SLC43A2: variants seen among roughly 807,000 people sequenced by gnomAD.
The protein encoded by SLC43A2 is large neutral amino acids transporter small subunit 4.
A neutral mutation model predicts 63.2 loss-of-function variants in SLC43A2; 38 were observed. The observed-to-expected ratio is 0.60, with a 90% CI of 0.46 to 0.79. The LOEUF (loss-of-function observed/expected upper bound fraction) is 0.79, where lower values mean the gene tolerates loss of function less well. Among genes scored for constraint, SLC43A2 ranks in the 30% least tolerant of loss-of-function variants. The pLI is 0.00. For synonymous variants in SLC43A2, 322 were observed against 331.0 expected, an observed-to-expected ratio of 0.97 and a Z score of 0.30; for missense variants, 644 against 756.2, an observed-to-expected ratio of 0.85 and a Z score of 1.74.
chr17:1,608,428 C>T (rs957701728), intron 5 of SLC43A2, among the ~76,000 whole-genome samples: 3 of 151,966 alleles, frequency 2.0e-5, no homozygotes, highest in Non-Finnish European at 4.4e-5. Flanking sequence ...GAGTCTCACT[C>T]TGCCACCCAG....
In SLC43A2 at chr17:1,570,051, C is replaced by T. The variant is rs1415809062; in HGVS notation, c.*5553G>A. On this transcript the variant is annotated 3_prime_UTR_variant, in exon 14 of 14. Transcript: ENST00000301335. ...TACAGGTACCCACCACCACGCCCAGCTAATTTTTTTTTTTCGTATTTTTAG... is the reference window on the plus strand; with the variant it reads ...TACAGGTACCCACCACCACGCCCAGTTAATTTTTTTTTTTCGTATTTTTAG... The T allele has an allele frequency of 8.2e-6, 1 of 121,414 alleles. No homozygotes were observed. The highest frequency in any genetic ancestry group is 1.8e-5 in the Non-Finnish European group (1 of 54,836). 7.5% of individuals were successfully genotyped at this position (121,414 alleles called of 1,614,324 possible).
At chr17:1,599,224 C>T (rs772254873) in intron 5 of SLC43A2, among the ~76,000 whole-genome samples, 22 of 151,998 alleles carry the variant, frequency 1.4e-4, no homozygotes, top group Middle Eastern at 3.4e-3. Context: ...CCTGTAGTCC[C>T]AGGTACTTGG....
In SLC43A2 at chr17:1,591,551, G is replaced by A; in HGVS notation, c.728+15C>T. On this transcript the variant is annotated intron_variant, in intron 7 of 13. Coordinates refer to ENST00000301335, the MANE Select transcript of SLC43A2 (RefSeq NM_152346.3). Reference sequence around the variant, plus strand: ...GGGGGCTGGGGGCAGGCGGGACGGGGGCACCTCTACTTACGAGTAGTCCAT... The same window carrying A: ...GGGGGCTGGGGGCAGGCGGGACGGGAGCACCTCTACTTACGAGTAGTCCAT... 1 of 1,559,818 alleles carries A rather than the reference G, an allele frequency of 6.4e-7. No homozygotes were observed. The highest frequency in any genetic ancestry group is 8.7e-7 in the Non-Finnish European group (1 of 1,153,272).
intron 2 of SLC43A2, among the ~76,000 whole-genome samples, chr17:1,618,396 G>A (rs1405749000): frequency 6.6e-6 from 1 of 152,188 alleles, no homozygotes; most frequent in Non-Finnish European, 1.5e-5. Flanking sequence ...AGCTCACCCA[G>A]GCATAGAAAG....
In SLC43A2 at chr17:1,573,610, A is replaced by T. The variant is rs1413776833; in HGVS notation, c.*1994T>A. On this transcript the variant is annotated 3_prime_UTR_variant, in exon 14 of 14. Coordinates refer to ENST00000301335, the MANE Select transcript of SLC43A2 (RefSeq NM_152346.3). ...AGTGTTCTCAGGAGTGGGCATGTTT[A>T]TCTCGTTCTCTTTTTTTTTTTCTTT... The T allele has an allele frequency of 6.6e-6, 1 of 152,088 alleles. No individual in the cohort carries two copies. The highest frequency in any genetic ancestry group is 1.5e-5 in the Non-Finnish European group (1 of 68,038). The allele number at this position is 152,088 out of a possible 1,614,324, so 9.4% of individuals were successfully genotyped here. A position where few individuals can be genotyped will look rare whatever the true frequency, so the allele number is the denominator to read the frequency against.
intron 9 of SLC43A2, among the ~76,000 whole-genome samples, chr17:1,588,697 CAAAAAAAAAAAAA>C (rs35780448): frequency 1.1e-5 from 1 of 89,178 alleles, no homozygotes; most frequent in Admixed American, 1.2e-4. Flanking sequence ...GACCCCAACT[CAAAAAAAAAAAAA>C]AAAAAAAAAA....
intron 5 of SLC43A2, among the ~76,000 whole-genome samples, chr17:1,596,827 A>G (rs1360071663): frequency 2.6e-5 from 4 of 152,218 alleles, no homozygotes; most frequent in Non-Finnish European, 5.9e-5. Context: ...CAAATGGCCA[A>G]TAAGCATATG....
chr17:1,619,641 A>G (rs1218314843), intron 2 of SLC43A2, among the ~76,000 whole-genome samples: 1 of 152,244 alleles, frequency 6.6e-6, no homozygotes, highest in Non-Finnish European at 1.5e-5. Context: ...ACAGTGGGGC[A>G]GCTTCTGGAA....
intron 10 of SLC43A2, among the ~76,000 whole-genome samples, chr17:1,584,338 C>T (rs1018409967): frequency 6.6e-6 from 1 of 152,140 alleles, no homozygotes; most frequent in African/African-American, 2.4e-5. Context: ...CCTAACTGTG[C>T]GGCCCTAGGC....
chr17:1,615,511 C>T (rs888884343), intron 3 of SLC43A2, among the ~76,000 whole-genome samples: 2 of 142,152 alleles, frequency 1.4e-5, no homozygotes, highest in Non-Finnish European at 3.0e-5. Context: ...TGGGCAACAA[C>T]AGCAAAACTC....
chr17:1,628,114 C>A (rs1288699232), intron 1 of SLC43A2, 194 bp from the exon 2 acceptor site: 13 of 404,356 alleles, frequency 3.2e-5, no homozygotes, highest in Non-Finnish European at 2.8e-5. Context: ...CGGCTCGTAC[C>A]GCTGCCCTCC....
chr17:1,620,612 T>A (rs901730787), intron 2 of SLC43A2, among the ~76,000 whole-genome samples: 47 of 152,064 alleles, frequency 3.1e-4, no homozygotes, highest in African/African-American at 1.1e-3. Flanking sequence ...CTCCAGGCCG[T>A]CCCGTCCAGC....
At position 1,591,613 on chromosome 17, in the gene SLC43A2, A is replaced by G. The variant is rs772221067; in HGVS notation, c.681T>C (p.Phe227=). The G allele has an allele frequency of 2.7e-4, 413 of 1,549,600 alleles. No homozygotes were observed. Among genetic ancestry groups the G allele is most frequent in the Non-Finnish European group, 3.5e-4 (399 of 1,146,762 alleles). Residue 227 remains phenylalanine (F), a synonymous_variant, in exon 7 of 14, where the codon TTT becomes TTC. Transcript: ENST00000301335. Reference sequence around the variant, plus strand: ...CCGGGAAGGGCTCAAGGGGCCAGTTAAAGAAGCAGTTGAGGAAAACCAGCC... The same window carrying G: ...CCGGGAAGGGCTCAAGGGGCCAGTTGAAGAAGCAGTTGAGGAAAACCAGCC... ...CSGLVFLNCF[F]NWPLEPFPGP...
rs377513027 is a variant in SLC43A2 at position 1,626,155 on chromosome 17, C to T, written c.160+1560G>A. On this transcript the variant is annotated intron_variant, in intron 2 of 13. Transcript: ENST00000301335. ...AGACACTAAAAGCTTTCTCTGGGGA[C>T]GATGACTTTTTTTCTGCTTTTTTTT... is the stretch of plus-strand genomic sequence containing the variant. Among the ~76,000 whole-genome samples, 15 of 146,388 alleles carry T rather than the reference C, an allele frequency of 1.0e-4. No individual in the cohort carries two copies. The East Asian group carries it at 1.4e-3, about 13-fold the overall frequency.
chr17:1,600,152 A>ATATATATATATATATATATATTTTTTT (rs1216616243), intron 5 of SLC43A2, among the ~76,000 whole-genome samples: 3 of 60,278 alleles, frequency 5.0e-5, no homozygotes, highest in Non-Finnish European at 6.4e-5. Context: ...ATATATATAT[A>ATATATATATATATATATATATTTTTTT]TTTTTTTTTT....
chr17:1,610,211 C>T (rs1420987264), intron 5 of SLC43A2, among the ~76,000 whole-genome samples: 1 of 151,906 alleles, frequency 6.6e-6, no homozygotes, highest in Admixed American at 6.6e-5. Flanking sequence ...AGCCACTGCG[C>T]CTGGCAGGCT....
intron 2 of SLC43A2, among the ~76,000 whole-genome samples, chr17:1,621,921 G>A (rs1354289792): frequency 2.0e-5 from 3 of 152,192 alleles, no homozygotes; most frequent in East Asian, 1.9e-4. Flanking sequence ...CCCATGTGCC[G>A]GCAACACCAG....
At chr17:1,594,408 C>T (rs1905087557) in intron 5 of SLC43A2, among the ~76,000 whole-genome samples, 1 of 152,170 alleles carries the variant, frequency 6.6e-6, no homozygotes, top group African/African-American at 2.4e-5. Flanking sequence ...CAAGAGACAT[C>T]ACACTGTGTG....
At chr17:1,594,824 G>A (rs62088018) in intron 5 of SLC43A2, among the ~76,000 whole-genome samples, 36 of 151,656 alleles carry the variant, frequency 2.4e-4, no homozygotes, top group African/African-American at 5.8e-4. Flanking sequence ...TCCTGACCTC[G>A]TGATCCGCCC....
Sources: gnomAD v4.1 joint callset for allele counts (sites outside exome capture counted in the v4.1 genomes callset) on GRCh38, gnomAD v4.1.1 for gene constraint, MANE v1.5 for transcripts, NCBI Gene and HGNC (gene_info 2026-07-23, HGNC 2026-07-21) for gene names.